The following PTPRQ variants were observed in gnomAD, a reference collection of about 807,000 sequenced individuals.
PTPRQ encodes the protein phosphatidylinositol phosphatase PTPRQ.
PTPRQ carries 199 observed loss-of-function variants against 246.0 expected under a neutral mutation model. The observed-to-expected ratio is 0.81, with a 90% CI of 0.72 to 0.91. PTPRQ has a LOEUF of 0.91. PTPRQ is among the 40% of genes least tolerant of loss of function. The pLI, the probability that PTPRQ is intolerant of heterozygous loss-of-function variation, is 0.00. For missense variants in PTPRQ, 2,624 were observed against 2,528.4 expected (o/e 1.04, Z -0.81); for synonymous variants, 869 against 853.2 (o/e 1.02, Z -0.32).
chr12:80,502,371 C>T (rs1317422134), intron 14 of PTPRQ, among the ~76,000 whole-genome samples: 1 of 151,702 alleles, frequency 6.6e-6, no homozygotes, highest in Non-Finnish European at 1.5e-5. Context: ...GAGTGGGAGA[C>T]TGAATTAACT....
intron 28 of PTPRQ, among the ~76,000 whole-genome samples, chr12:80,612,839 G>A (rs1047869644): frequency 2.0e-5 from 3 of 150,334 alleles, no homozygotes; most frequent in Non-Finnish European, 4.5e-5. Context: ...ACACTACTCG[G>A]CAATAAAAAG....
intron 8 of PTPRQ, among the ~76,000 whole-genome samples, chr12:80,483,645 T>C (rs1894160274): frequency 6.6e-6 from 1 of 152,140 alleles, no homozygotes; most frequent in African/African-American, 2.4e-5. Context: ...ATAGGTTTGT[T>C]ACATAGGTAT....
chr12:80,578,267 G>A (rs1364639465), intron 25 of PTPRQ, among the ~76,000 whole-genome samples: 2 of 135,864 alleles, frequency 1.5e-5, no homozygotes, highest in Non-Finnish European at 3.0e-5. Context: ...TCCGCTTCCT[G>A]TGTCCATGTG....
Position 80,460,874 on chromosome 12 carries a change from T to C in PTPRQ, c.882T>C (p.Asp294=), listed in dbSNP as rs953049286. 7 of 400,636 alleles carry C rather than the reference T, an allele frequency of 1.7e-5. No individual in the cohort carries two copies. Among genetic ancestry groups the C allele is most frequent in the African/African-American group, 6.2e-5 (3 of 48,720 alleles). 24.8% of individuals were successfully genotyped at this position (400,636 alleles called of 1,614,324 possible). A position where few individuals can be genotyped will look rare whatever the true frequency, so the allele number is the denominator to read the frequency against. ...SAATTEAGYI[D]STIVRTPESV... ...CTACAACTGAAGCAGGTTATATTGA[T>C]AGTACGATTGTCAGAACACCAGAAT... Residue 294 remains aspartate, a synonymous_variant, in exon 6 of 45, where the codon GAT becomes GAC. Transcript: ENST00000644991.
chr12:80,652,743 G>C lies in PTPRQ; in HGVS notation c.6025-1G>C. ...AACTTTGTAATGACTTTATTTTACA[G>C]GAATTACCAAAATTTCTTCAGGATC... On this transcript the variant is annotated splice_acceptor_variant, in intron 37 of 44. Transcript: ENST00000644991. LOFTEE classifies it high-confidence loss of function. 6.7e-7 allele frequency: 1 copy of C among 1,492,134 alleles called. No individual in the cohort carries two copies. Among genetic ancestry groups the C allele is most frequent in the South Asian group, 1.4e-5 (1 of 70,494 alleles). 92.4% of individuals were successfully genotyped at this position (1,492,134 alleles called of 1,614,324 possible). A position where few individuals can be genotyped will look rare whatever the true frequency, so the allele number is the denominator to read the frequency against.
intron 33 of PTPRQ, among the ~76,000 whole-genome samples, chr12:80,628,121 T>C (rs1899276037): frequency 6.6e-6 from 1 of 152,116 alleles, no homozygotes; most frequent in Non-Finnish European, 1.5e-5. Context: ...TTTATTCATC[T>C]TCATGCCTCC....
In PTPRQ at chr12:80,564,084, TTTTA is replaced by T. The variant is rs200118610; in HGVS notation, c.4285+14362_4285+14365del. ...AGCTAGAGAGAGCAGATTTTTTTTC[TTTTA>T]TTTATTTATTTTTATTAATATACTT... is the stretch of plus-strand genomic sequence containing the variant. On this transcript the variant is annotated intron_variant, in intron 25 of 44. Coordinates refer to ENST00000644991, the MANE Select transcript of PTPRQ (RefSeq NM_001145026.2). 4.5e-3 allele frequency among the ~76,000 whole-genome samples: 685 copies of T among 152,056 alleles called. 4 individuals carry two copies. The highest frequency in any genetic ancestry group is 0.015 in the African/African-American group (623 of 41,560).
intron 25 of PTPRQ, among the ~76,000 whole-genome samples, chr12:80,569,413 T>G (rs1164418487): frequency 7.3e-6 from 1 of 136,562 alleles, no homozygotes; most frequent in East Asian, 2.5e-4. Context: ...GGGGGAGGGA[T>G]AGCATTGGGA....
At chr12:80,599,605 T>C (rs1214614883) in intron 26 of PTPRQ, among the ~76,000 whole-genome samples, 2 of 151,862 alleles carry the variant, frequency 1.3e-5, no homozygotes, top group African/African-American at 4.8e-5. Flanking sequence ...TATGCTGTGA[T>C]AAAAGGGAAA....
At chr12:80,636,683 C>T (rs542784249) in intron 35 of PTPRQ, among the ~76,000 whole-genome samples, 10 of 152,260 alleles carry the variant, frequency 6.6e-5, no homozygotes, top group Non-Finnish European at 8.8e-5. Flanking sequence ...CTAAGACCGA[C>T]CCCCTCCCCA....
chr12:80,462,246 G>T (rs1242090865), intron 6 of PTPRQ, among the ~76,000 whole-genome samples: 1 of 152,220 alleles, frequency 6.6e-6, no homozygotes, highest in East Asian at 1.9e-4. Flanking sequence ...CTACCCCCAC[G>T]GAGTCTGCCT....
intron 42 of PTPRQ, among the ~76,000 whole-genome samples, chr12:80,671,693 T>G (rs934863924): frequency 4.6e-5 from 7 of 152,124 alleles, no homozygotes; most frequent in Admixed American, 4.6e-4. Context: ...TAAAAAGTTC[T>G]AGAAATTTGA....
chr12:80,476,196 G>C (rs1396828108), intron 8 of PTPRQ, among the ~76,000 whole-genome samples: 2 of 152,036 alleles, frequency 1.3e-5, no homozygotes, highest in Non-Finnish European at 2.9e-5. Context: ...TGGAATAGGA[G>C]CTTTGCTATT....
chr12:80,657,091 G>A (rs1900467891), intron 38 of PTPRQ, among the ~76,000 whole-genome samples: 1 of 151,668 alleles, frequency 6.6e-6, no homozygotes, highest in Non-Finnish European at 1.5e-5. Context: ...ACAAATTCAT[G>A]GACAAATGAC....
intron 7 of PTPRQ, among the ~76,000 whole-genome samples, chr12:80,470,687 A>C (rs1292816367): frequency 6.6e-6 from 1 of 152,202 alleles, no homozygotes; most frequent in South Asian, 2.1e-4. Context: ...TGAAACTGAC[A>C]CTGAAGATGG....
chr12:80,616,767 G>A (rs1410727153), intron 30 of PTPRQ, among the ~76,000 whole-genome samples: 2 of 151,030 alleles, frequency 1.3e-5, no homozygotes, highest in African/African-American at 4.8e-5. Flanking sequence ...ATTCTGGCAA[G>A]TATTTTTTAT....
chr12:80,479,796 G>C (rs1010705835), intron 8 of PTPRQ, among the ~76,000 whole-genome samples: 16 of 152,228 alleles, frequency 1.1e-4, no homozygotes, highest in African/African-American at 3.9e-4. Context: ...TTACATAATG[G>C]TAAAGGGATC....
At chr12:80,550,394 C>T (rs750728253) in intron 25 of PTPRQ, among the ~76,000 whole-genome samples, 1 of 152,150 alleles carries the variant, frequency 6.6e-6, no homozygotes, top group Non-Finnish European at 1.5e-5. Flanking sequence ...CACATCCAGA[C>T]CCTTTATCTT....
intron 29 of PTPRQ, among the ~76,000 whole-genome samples, chr12:80,614,775 T>G (rs1269591851): frequency 2.7e-5 from 4 of 147,908 alleles, no homozygotes; most frequent in African/African-American, 1.0e-4. Flanking sequence ...CCCAGTTTTC[T>G]TATGTGAAAA....
Sources: gnomAD v4.1 joint callset for allele counts (sites outside exome capture counted in the v4.1 genomes callset) on GRCh38, gnomAD v4.1.1 for gene constraint, MANE v1.5 for transcripts, NCBI Gene and HGNC (gene_info 2026-07-23, HGNC 2026-07-21) for gene names.